Variants in ADGRV1 observed in about 807,000 individuals in gnomAD.
The protein encoded by ADGRV1 is adhesion G protein-coupled receptor V1, also known as G-protein coupled receptor 98.
In ADGRV1, 359 loss-of-function variants were observed where a neutral mutation model predicts 596.2. That is an observed-to-expected ratio of 0.60 (90% confidence interval 0.55 to 0.66). ADGRV1 has a LOEUF of 0.66. Among genes scored for constraint, ADGRV1 ranks in the 30% least tolerant of loss-of-function variants. The pLI, the probability that ADGRV1 is intolerant of heterozygous loss-of-function variation, is 0.00. For synonymous variants in ADGRV1, 2,681 were observed against 2,679.2 expected, an observed-to-expected ratio of 1.00 and a Z score of -0.02; for missense variants, 7,274 against 7,575.6, an observed-to-expected ratio of 0.96 and a Z score of 1.48.
At chr5:90,861,222 T>TA (rs562104732) in intron 82 of ADGRV1, among the ~76,000 whole-genome samples, 213 of 152,280 alleles carry the variant, frequency 1.4e-3, no homozygotes, top group African/African-American at 4.7e-3. Context: ...ATCTGTTTTT[T>TA]AAAAAAACTG....
chr5:91,003,890 T>C (rs889679586), intron 85 of ADGRV1, among the ~76,000 whole-genome samples: 1 of 152,078 alleles, frequency 6.6e-6, no homozygotes, highest in Non-Finnish European at 1.5e-5. Context: ...GTATCATTAA[T>C]GGGAAAAGAA....
intron 9 of ADGRV1, among the ~76,000 whole-genome samples, chr5:90,633,678 A>G (rs1413169741): frequency 6.6e-6 from 1 of 152,002 alleles, no homozygotes; most frequent in Admixed American, 6.6e-5. Context: ...TGTGACTTTA[A>G]TTATTTATCT....
At chr5:90,876,071 T>C (rs543521993) in intron 83 of ADGRV1, among the ~76,000 whole-genome samples, 1 of 152,316 alleles carries the variant, frequency 6.6e-6, no homozygotes, top group Non-Finnish European at 1.5e-5. Context: ...GTCATGTTTA[T>C]AATTGTGATT....
chr5:91,143,650 A>C (rs553727431), intron 87 of ADGRV1, among the ~76,000 whole-genome samples: 4 of 152,260 alleles, frequency 2.6e-5, no homozygotes, highest in Non-Finnish European at 5.9e-5. Context: ...ATGGGTGGCC[A>C]TAGGTGGGCC....
rs192542958 is a variant in ADGRV1 at position 90,677,472 on chromosome 5, A to G, written c.5443+1263A>G. ...CAAGTCCTTGTATCTCCAAATCACT[A>G]TTTGCATTACTAAAAAGGTTACTAT... On this transcript the variant is annotated intron_variant, in intron 25 of 89. Coordinates refer to ENST00000405460, the MANE Select transcript of ADGRV1 (RefSeq NM_032119.4). 2.6e-5 allele frequency among the ~76,000 whole-genome samples: 4 copies of G among 152,288 alleles called. No homozygotes were observed. In the East Asian group the frequency reaches 7.7e-4, roughly 29 times the overall value.
At position 90,810,394 on chromosome 5, in the gene ADGRV1, C is replaced by T; in HGVS notation, c.15134C>T (p.Thr5045Ile). 1 of 1,613,848 alleles carries T rather than the reference C, an allele frequency of 6.2e-7. No individual in the cohort carries two copies. Among genetic ancestry groups the T allele is most frequent in the African/African-American group, 1.3e-5 (1 of 75,040 alleles). ...CTTATTAAAGTTTCTTATCAGACCA[C>T]TGCAGGAAGCGCCAAGCCACTGGAA... Reference protein sequence around the residue: ...SDLIKVSYQTTAGSAKPLEDF... With the variant: ...SDLIKVSYQTIAGSAKPLEDF... The change falls in exon 74 of 90, where the codon ACT becomes ATT. Residue 5045 changes from threonine to isoleucine, a missense_variant. By Grantham distance (89) the Thr-to-Ile change is moderately conservative. This residue lies in a region of ADGRV1 where 1,874 missense variants were observed against 1,970.2 expected (regional missense o/e 0.95). Transcript: ENST00000405460.
intron 76 of ADGRV1, among the ~76,000 whole-genome samples, chr5:90,824,537 A>G (rs764995769): frequency 1.3e-5 from 2 of 152,212 alleles, no homozygotes; most frequent in Non-Finnish European, 2.9e-5. Flanking sequence ...TTAGCATATC[A>G]CATCATTGTT....
intron 1 of ADGRV1, among the ~76,000 whole-genome samples, chr5:90,606,175 G>A (rs1438261580): frequency 2.0e-5 from 3 of 152,212 alleles, no homozygotes; most frequent in African/African-American, 4.8e-5. Flanking sequence ...TTAGCCTCAT[G>A]TCTGTGCCTA....
chr5:90,882,356 G>T (rs753063404), intron 83 of ADGRV1, among the ~76,000 whole-genome samples: 27 of 152,128 alleles, frequency 1.8e-4, no homozygotes, highest in Admixed American at 5.9e-4. Flanking sequence ...ATTGAATATC[G>T]TCTTAAGACC....
chr5:90,819,208 T>C (rs1478836663), intron 75 of ADGRV1, among the ~76,000 whole-genome samples: 3 of 152,188 alleles, frequency 2.0e-5, no homozygotes, highest in African/African-American at 4.8e-5. Context: ...TGCGTAGAGG[T>C]GTTTGTAGTA....
chr5:90,792,260 C>G (rs1243820419), intron 70 of ADGRV1: 1 of 152,166 alleles, frequency 6.6e-6, no homozygotes, highest in Non-Finnish European at 1.5e-5. Context: ...AAGGCTTGAG[C>G]ATTTGGGTGC....
chr5:90,922,115 C>T (rs974888492), intron 83 of ADGRV1, among the ~76,000 whole-genome samples: 1 of 152,220 alleles, frequency 6.6e-6, no homozygotes, highest in African/African-American at 2.4e-5. Context: ...CTGTGCCACA[C>T]ATAGGTTCAT....
intron 86 of ADGRV1, among the ~76,000 whole-genome samples, chr5:91,102,004 C>T (rs1279488596): frequency 1.3e-5 from 2 of 152,120 alleles, no homozygotes; most frequent in South Asian, 2.1e-4. Flanking sequence ...CTCATCCTCC[C>T]CCAGCCATCC....
intron 1 of ADGRV1, among the ~76,000 whole-genome samples, chr5:90,568,199 G>A (rs772592247): frequency 1.5e-4 from 22 of 151,400 alleles, no homozygotes; most frequent in Non-Finnish European, 2.7e-4. Flanking sequence ...TCTTAAGGTG[G>A]CAGTTTAGGT....
Position 90,651,763 on chromosome 5 carries a change from T to G in ADGRV1, c.3416+33T>G, listed in dbSNP as rs748826022. On this transcript the variant is annotated intron_variant, in intron 18 of 89. Transcript: ENST00000405460. ...TATGTAGATAAGGCAAGTTTAAAAT[T>G]GGGTGAAATAAAACCATTAAGTATG... The G allele has an allele frequency of 2.1e-6, 3 of 1,398,188 alleles. No individual in the cohort carries two copies. The African/African-American group carries it at 4.3e-5, about 20-fold the overall frequency. 86.6% of individuals were successfully genotyped at this position (1,398,188 alleles called of 1,614,324 possible).
chr5:90,598,995 A>G (rs749717959), intron 1 of ADGRV1, among the ~76,000 whole-genome samples: 19 of 152,118 alleles, frequency 1.2e-4, no homozygotes, highest in South Asian at 1.0e-3. Context: ...AAACAAAAAA[A>G]CCCACCAAAT....
At chr5:91,037,856 C>A (rs1409469651) in intron 85 of ADGRV1, among the ~76,000 whole-genome samples, 1 of 152,142 alleles carries the variant, frequency 6.6e-6, no homozygotes, top group East Asian at 1.9e-4. Flanking sequence ...ACCAACATGA[C>A]ATCACAAGTG....
intron 3 of ADGRV1, among the ~76,000 whole-genome samples, chr5:90,618,321 C>A (rs895347547): frequency 6.6e-6 from 1 of 152,078 alleles, no homozygotes; most frequent in African/African-American, 2.4e-5. Flanking sequence ...AAAAAGCGGG[C>A]ATGGAAGTGG....
At chr5:90,585,388 C>G (rs1758617914) in intron 1 of ADGRV1, among the ~76,000 whole-genome samples, 1 of 152,178 alleles carries the variant, frequency 6.6e-6, no homozygotes, top group Admixed American at 6.6e-5. Flanking sequence ...TTCAACAAAA[C>G]CCCTTGGAGA....
Sources: gnomAD v4.1 joint callset for allele counts (sites outside exome capture counted in the v4.1 genomes callset) on GRCh38, gnomAD v4.1.1 for gene constraint, gnomAD v4.1.1 regional missense constraint, MANE v1.5 for transcripts, NCBI Gene and HGNC (gene_info 2026-07-23, HGNC 2026-07-21) for gene names.